Variants in DPP6 observed in about 807,000 individuals in gnomAD.
The protein encoded by DPP6 is dipeptidyl peptidase like 6, also known as A-type potassium channel modulatory protein DPP6.
DPP6 carries 69 observed loss-of-function variants against 122.6 expected under a neutral mutation model. The ratio of observed to expected loss-of-function variants is 0.56; its 90% CI spans 0.46 to 0.69. DPP6 has a LOEUF of 0.69. Ranked by LOEUF, DPP6 falls within the 30% of genes least tolerant of loss-of-function variation. The probability of loss-of-function intolerance (pLI) is 0.00; values close to 1 mark genes in which losing one functional copy is unlikely to be tolerated. For synonymous variants in DPP6, 418 were observed against 433.1 expected, an observed-to-expected ratio of 0.97 and a Z score of 0.43; for missense variants, 928 against 1,116.9, an observed-to-expected ratio of 0.83 and a Z score of 2.41.
the DPP6 span, among the ~76,000 whole-genome samples, chr7:153,772,694 A>G: frequency 6.7e-6 from 1 of 150,088 alleles, no homozygotes; most frequent in African/African-American, 2.4e-5. Context: ...GGATTAAAAA[A>G]GAAAAAACTA....
chr7:154,245,181 G>A (rs1801893312), intron 1 of DPP6, among the ~76,000 whole-genome samples: 1 of 151,594 alleles, frequency 6.6e-6, no homozygotes, highest in Non-Finnish European at 1.5e-5. Context: ...TTGAACTCCT[G>A]ACCTCAAGTG....
intron 10 of DPP6, among the ~76,000 whole-genome samples, chr7:154,789,880 G>T (rs1033327349): frequency 6.6e-6 from 1 of 152,134 alleles, no homozygotes; most frequent in Non-Finnish European, 1.5e-5. Flanking sequence ...CTCGTACACC[G>T]ACTTGATTTT....
At position 154,320,025 on chromosome 7, in the gene DPP6, T is replaced by C. The variant is rs1032724624; in HGVS notation, c.244-126189T>C. On this transcript the variant is annotated intron_variant, in intron 1 of 25. Coordinates refer to ENST00000377770, the MANE Select transcript of DPP6 (RefSeq NM_130797.4). ...AAATATATATATATATATATATATATATATATGCAACATGAACTACTATGT... is the reference window on the plus strand; with the variant it reads ...AAATATATATATATATATATATATACATATATGCAACATGAACTACTATGT... 7.7e-4 allele frequency among the ~76,000 whole-genome samples: 89 copies of C among 115,370 alleles called. 1 individual carries two copies. Among genetic ancestry groups the C allele is most frequent in the African/African-American group, 2.7e-3 (84 of 31,398 alleles). 75.7% of individuals were successfully genotyped at this position (115,370 alleles called of 152,430 possible). A position where few individuals can be genotyped will look rare whatever the true frequency, so the allele number is the denominator to read the frequency against.
At chr7:153,893,204 C>T (rs996002263) in intron 1 of DPP6, among the ~76,000 whole-genome samples, 1 of 152,180 alleles carries the variant, frequency 6.6e-6, no homozygotes, top group Non-Finnish European at 1.5e-5. Flanking sequence ...TCCACTGGGT[C>T]TGAGTTTTTC....
chr7:154,872,964 G>T (rs2293354), intron 19 of DPP6, among the ~76,000 whole-genome samples: 4 of 152,070 alleles, frequency 2.6e-5, no homozygotes, highest in Non-Finnish European at 5.9e-5. Context: ...TGGGATCATC[G>T]TAGTGGCATT....
rs10262908 is a variant in DPP6 at position 154,533,307 on chromosome 7, C to G, written c.458-7225C>G. Among the ~76,000 whole-genome samples the G allele has an allele frequency of 2.8e-3, 424 of 152,198 alleles. 1 individual carries two copies. The highest frequency in any genetic ancestry group is 9.7e-3 in the African/African-American group (401 of 41,534). ...TGAATGAGAAAAGATCTTTTCTCTC[C>G]TACAATACCAATACATTTTACAAGC... On this transcript the variant is annotated intron_variant, in intron 3 of 25. Coordinates refer to ENST00000377770, the MANE Select transcript of DPP6 (RefSeq NM_130797.4).
In DPP6 at chr7:154,343,238, T is replaced by C. The variant is rs532954110; in HGVS notation, c.244-102976T>C. Among the ~76,000 whole-genome samples, 5 of 152,318 alleles carry C rather than the reference T, an allele frequency of 3.3e-5. No individual in the cohort carries two copies. In the South Asian group the frequency reaches 1.0e-3, roughly 32 times the overall value. ...CTTTGTGGCTTCCTGATTTTACAGATGAGAAAACCAAGATTCTGAAGGAGT... is the reference window on the plus strand; with the variant it reads ...CTTTGTGGCTTCCTGATTTTACAGACGAGAAAACCAAGATTCTGAAGGAGT... On this transcript the variant is annotated intron_variant, in intron 1 of 25. Coordinates refer to ENST00000377770, the MANE Select transcript of DPP6 (RefSeq NM_130797.4).
At chr7:154,757,331 C>T (rs775120170) in intron 8 of DPP6, among the ~76,000 whole-genome samples, 21 of 152,218 alleles carry the variant, frequency 1.4e-4, no homozygotes, top group Non-Finnish European at 2.5e-4. Flanking sequence ...TCCCTCCCTG[C>T]GAGGCCCTGC....
intron 6 of DPP6, among the ~76,000 whole-genome samples, chr7:154,666,299 G>A (rs927376706): frequency 6.7e-6 from 1 of 149,272 alleles, no homozygotes; most frequent in African/African-American, 2.5e-5. Flanking sequence ...TGTTTATAGA[G>A]TTATTCATTC....
At chr7:154,238,708 A>G (rs1432180151) in intron 1 of DPP6, among the ~76,000 whole-genome samples, 4 of 152,218 alleles carry the variant, frequency 2.6e-5, no homozygotes, top group African/African-American at 9.6e-5. Context: ...TTCTCTTATT[A>G]TTATGCTATA....
At chr7:154,434,015 C>A (rs1327502195) in intron 1 of DPP6, among the ~76,000 whole-genome samples, 1 of 152,152 alleles carries the variant, frequency 6.6e-6, no homozygotes, top group Non-Finnish European at 1.5e-5. Flanking sequence ...CTTTAAAATC[C>A]ATTTTACCTA....
chr7:154,873,969 CATAA>C (rs1563309306), intron 19 of DPP6, among the ~76,000 whole-genome samples: 1 of 107,612 alleles, frequency 9.3e-6, no homozygotes, highest in East Asian at 7.8e-4. Context: ...CACCTGCATA[CATAA>C]GCACACACAT....
At chr7:154,443,535 G>GATGAGTGA (rs1554551066) in intron 1 of DPP6, among the ~76,000 whole-genome samples, 7 of 147,860 alleles carry the variant, frequency 4.7e-5, no homozygotes, top group African/African-American at 1.5e-4. Context: ...TGGATGGATG[G>GATGAGTGA]ATGGATGAGT....
chr7:154,185,021 A>G (rs1798284964), intron 1 of DPP6, among the ~76,000 whole-genome samples: 1 of 152,214 alleles, frequency 6.6e-6, no homozygotes, highest in Non-Finnish European at 1.5e-5. Flanking sequence ...AATAGATAGA[A>G]TTCTGAAAAT....
chr7:154,407,672 T>A (rs1454291723), intron 1 of DPP6, among the ~76,000 whole-genome samples: 4 of 152,228 alleles, frequency 2.6e-5, no homozygotes, highest in Non-Finnish European at 1.5e-5. Context: ...ATGGCTTTCT[T>A]TAAAATAAAA....
chr7:153,837,064 A>T, the DPP6 span, among the ~76,000 whole-genome samples: 27 of 152,254 alleles, frequency 1.8e-4, no homozygotes, highest in Admixed American at 1.0e-3. Flanking sequence ...CCGCCAAGAA[A>T]ATATTTGACA....
At chr7:154,177,644 C>T (rs979287518) in intron 1 of DPP6, among the ~76,000 whole-genome samples, 8 of 152,082 alleles carry the variant, frequency 5.3e-5, no homozygotes, top group Admixed American at 2.6e-4. Flanking sequence ...TGTTCCTTTA[C>T]GCACTTTTTA....
At chr7:153,860,748 T>C in the DPP6 span, among the ~76,000 whole-genome samples, 1 of 152,168 alleles carries the variant, frequency 6.6e-6, no homozygotes, top group African/African-American at 2.4e-5. Flanking sequence ...TGTTGTCCTT[T>C]AAATCACACC....
intron 5 of DPP6, among the ~76,000 whole-genome samples, chr7:154,596,069 A>G (rs1833074814): frequency 6.6e-6 from 1 of 152,192 alleles, no homozygotes; most frequent in African/African-American, 2.4e-5. Flanking sequence ...CAAAAAAAGA[A>G]AGGTTATGCC....
Sources: allele counts gnomAD v4.1 joint callset (sites outside exome capture counted in the v4.1 genomes callset), GRCh38; gene constraint gnomAD v4.1.1; transcripts MANE v1.5; gene names NCBI Gene and HGNC (gene_info 2026-07-23, HGNC 2026-07-21).